ATRNL1: variants seen among roughly 807,000 people sequenced by gnomAD.
ATRNL1 encodes the protein attractin like 1, also known as attractin-like protein 1.
A neutral mutation model predicts 182.7 loss-of-function variants in ATRNL1; 95 were observed. The ratio of observed to expected loss-of-function variants is 0.52; its 90% CI spans 0.44 to 0.62. ATRNL1 has a LOEUF of 0.62. Ranked by LOEUF, ATRNL1 falls within the 20% of genes least tolerant of loss-of-function variation. The probability of loss-of-function intolerance (pLI) is 0.00; values close to 1 mark genes in which losing one functional copy is unlikely to be tolerated. For synonymous variants in ATRNL1, 576 were observed against 568.3 expected, an observed-to-expected ratio of 1.01 and a Z score of -0.19; for missense variants, 1,471 against 1,679.5, an observed-to-expected ratio of 0.88 and a Z score of 2.17.
chr10:115,474,783 A>G (rs17093128), intron 24 of ATRNL1, among the ~76,000 whole-genome samples: 3,006 of 151,610 alleles, frequency 0.02, 65 homozygotes, highest in East Asian at 0.13. Context: ...GATACAAACA[A>G]GAATTTCTAA....
At chr10:115,688,989 A>G (rs1946307587) in intron 26 of ATRNL1, among the ~76,000 whole-genome samples, 1 of 152,148 alleles carries the variant, frequency 6.6e-6, no homozygotes, top group African/African-American at 2.4e-5. Flanking sequence ...GATGAGAGAT[A>G]GGGGTCCGAG....
At chr10:115,496,768 A>G (rs1417664749) in intron 24 of ATRNL1, among the ~76,000 whole-genome samples, 1 of 152,198 alleles carries the variant, frequency 6.6e-6, no homozygotes, top group South Asian at 2.1e-4. Context: ...GTCCACTGTT[A>G]GCCTGATGGG....
chr10:115,366,414 C>G (rs1322775642), intron 19 of ATRNL1, among the ~76,000 whole-genome samples: 2 of 152,090 alleles, frequency 1.3e-5, no homozygotes, highest in East Asian at 3.8e-4. Flanking sequence ...ATGTGTGTCT[C>G]TACACGTGAG....
chr10:115,535,609 A>G (rs1554989966), intron 25 of ATRNL1, among the ~76,000 whole-genome samples: 1 of 152,142 alleles, frequency 6.6e-6, no homozygotes, highest in Non-Finnish European at 1.5e-5. Context: ...CTCTCAACTC[A>G]TCAGAGTCAT....
intron 19 of ATRNL1, among the ~76,000 whole-genome samples, chr10:115,349,785 T>C (rs2134119058): frequency 6.6e-6 from 1 of 152,316 alleles, no homozygotes; most frequent in African/African-American, 2.4e-5. Flanking sequence ...TTTAGCCCAA[T>C]TTTTAATTGT....
intron 24 of ATRNL1, among the ~76,000 whole-genome samples, chr10:115,496,913 A>G (rs1849577507): frequency 6.6e-6 from 1 of 152,054 alleles, no homozygotes; most frequent in Non-Finnish European, 1.5e-5. Context: ...GGTTCCCTGC[A>G]TTTCCTGAAG....
chr10:115,923,507 C>T (rs782815218), intron 28 of ATRNL1, among the ~76,000 whole-genome samples: 14 of 151,994 alleles, frequency 9.2e-5, no homozygotes, highest in Non-Finnish European at 1.9e-4. Flanking sequence ...GAACATGTGT[C>T]GTTTGGTTTT....
chr10:115,622,915 A>G (rs1857864275), intron 26 of ATRNL1, among the ~76,000 whole-genome samples: 1 of 152,024 alleles, frequency 6.6e-6, no homozygotes, highest in South Asian at 2.1e-4. Context: ...TGACAGAGCG[A>G]GACTGTGTCT....
intron 25 of ATRNL1, among the ~76,000 whole-genome samples, chr10:115,522,746 A>C (rs1851008254): frequency 6.6e-6 from 1 of 152,192 alleles, no homozygotes; most frequent in South Asian, 2.1e-4. Context: ...TGTAAAATCA[A>C]AATCAAATTA....
At chr10:115,894,241 C>A (rs1449399925) in intron 28 of ATRNL1, among the ~76,000 whole-genome samples, 1 of 152,190 alleles carries the variant, frequency 6.6e-6, no homozygotes, top group Non-Finnish European at 1.5e-5. Flanking sequence ...GGCTGAGTTT[C>A]TTTTCTTTAT....
At chr10:115,210,769 T>C (rs1369334176) in intron 8 of ATRNL1, among the ~76,000 whole-genome samples, 1 of 151,950 alleles carries the variant, frequency 6.6e-6, no homozygotes, top group African/African-American at 2.4e-5. Context: ...GTATCTTCTG[T>C]ATAATTTTCT....
chr10:115,552,611 T>C (rs1209883523), intron 26 of ATRNL1, among the ~76,000 whole-genome samples: 2 of 151,422 alleles, frequency 1.3e-5, no homozygotes, highest in Non-Finnish European at 3.0e-5. Flanking sequence ...TAAACCAAAG[T>C]TTTGTTTTCT....
At chr10:115,528,472 C>G (rs782428266) in intron 25 of ATRNL1, among the ~76,000 whole-genome samples, 16 of 151,936 alleles carry the variant, frequency 1.1e-4, no homozygotes, top group Non-Finnish European at 2.2e-4. Context: ...CAGTAATGAC[C>G]CGACTTTTCA....
intron 1 of ATRNL1, among the ~76,000 whole-genome samples, chr10:115,115,460 TC>T (rs1158186523): frequency 2.0e-5 from 3 of 152,110 alleles, no homozygotes; most frequent in African/African-American, 4.8e-5. Context: ...ATTAGCCTGA[TC>T]TGCTCAGTCT....
rs1555077542 is a variant in ATRNL1, at chr10:115,775,173, T to TAA, written c.3903+47819_3903+47820insAA. On this transcript the variant is annotated intron_variant, in intron 27 of 28. Coordinates refer to ENST00000355044, the MANE Select transcript of ATRNL1 (RefSeq NM_207303.4). ...TCTAACTGCATACTTCTGAAATGTTTACCCCCGAATGATCCCTTCTAAAAC... is the reference window on the plus strand; with the variant it reads ...TCTAACTGCATACTTCTGAAATGTTTAAACCCCCGAATGATCCCTTCTAAAAC... 3.9e-5 allele frequency among the ~76,000 whole-genome samples: 6 copies of TAA among 152,336 alleles called. No homozygotes were observed. In the South Asian group the frequency reaches 1.2e-3, roughly 32 times the overall value.
chr10:115,268,368 G>C lies in ATRNL1; in HGVS notation c.2024G>C (p.Ser675Thr). Reference sequence around the variant, plus strand: ...TGTTACAGATATGCAGATTGTGCCAGCTGTACTGCCAATACAAATGGGTGC... The same window carrying C: ...TGTTACAGATATGCAGATTGTGCCACCTGTACTGCCAATACAAATGGGTGC... ...DRCYRYADCA[S>T]CTANTNGCQW... The change falls in exon 13 of 29, where the codon AGC becomes ACC. Residue 675 changes from serine to threonine, a missense_variant. This residue lies in a region of ATRNL1 where 1,031 missense variants were observed against 1,156.0 expected (regional missense o/e 0.89). Coordinates refer to ENST00000355044, the MANE Select transcript of ATRNL1 (RefSeq NM_207303.4). The C allele has an allele frequency of 6.2e-7, 1 of 1,613,710 alleles. No homozygotes were observed. Among genetic ancestry groups the C allele is most frequent in the Non-Finnish European group, 8.5e-7 (1 of 1,179,772 alleles).
intron 26 of ATRNL1, among the ~76,000 whole-genome samples, chr10:115,682,857 A>C (rs1205858396): frequency 6.6e-6 from 1 of 152,142 alleles, no homozygotes; most frequent in Non-Finnish European, 1.5e-5. Flanking sequence ...TAAGTATCAC[A>C]ACAGAAGCAG....
chr10:115,215,592 C>A, intron 8 of ATRNL1, 105 bp from the exon 9 acceptor site: 1 of 862,290 alleles, frequency 1.2e-6, no homozygotes, highest in Non-Finnish European at 1.7e-6. Flanking sequence ...AATGTTTACT[C>A]ATAAAAATAT....
intron 5 of ATRNL1, among the ~76,000 whole-genome samples, chr10:115,147,435 A>G (rs1846022401): frequency 6.6e-6 from 1 of 151,900 alleles, no homozygotes; most frequent in African/African-American, 2.4e-5. Context: ...CACTTTGTGG[A>G]TTGTTTCCTT....
Sources: gnomAD v4.1 joint callset for allele counts (sites outside exome capture counted in the v4.1 genomes callset) on GRCh38, gnomAD v4.1.1 for gene constraint, gnomAD v4.1.1 regional missense constraint, MANE v1.5 for transcripts, NCBI Gene and HGNC (gene_info 2026-07-23, HGNC 2026-07-21) for gene names.